EXOC2: variants seen among roughly 807,000 people sequenced by gnomAD.
EXOC2 encodes SEC5-like 1.
A neutral mutation model predicts 131.8 loss-of-function variants in EXOC2; 70 were observed. The observed-to-expected ratio is 0.53, with a 90% confidence interval of 0.44 to 0.65. EXOC2 has a LOEUF of 0.65. EXOC2 is among the 30% of genes least tolerant of loss of function. The pLI, the probability that EXOC2 is intolerant of heterozygous loss-of-function variation, is 0.00. For synonymous variants in EXOC2, 411 were observed against 398.4 expected, an observed-to-expected ratio of 1.03 and a Z score of -0.38; for missense variants, 923 against 1,108.6, an observed-to-expected ratio of 0.83 and a Z score of 2.38.
At chr6:624,635 TCAAA>T (rs1761459573) in intron 4 of EXOC2, among the ~76,000 whole-genome samples, 1 of 152,148 alleles carries the variant, frequency 6.6e-6, no homozygotes. Context: ...ACTTCTACTG[TCAAA>T]CAGAGAACCA....
intron 13 of EXOC2, among the ~76,000 whole-genome samples, chr6:570,650 T>C (rs1213422175): frequency 6.6e-6 from 1 of 152,204 alleles, no homozygotes. Context: ...CTGTCAGACA[T>C]TATTATCAGC....
At chr6:666,150 T>C (rs1039665974) in intron 1 of EXOC2, among the ~76,000 whole-genome samples, 9 of 151,982 alleles carry the variant, frequency 5.9e-5, no homozygotes, top group African/African-American at 2.2e-4. Flanking sequence ...AGTGTGCCAA[T>C]CCGTTAGGTG....
intron 12 of EXOC2, among the ~76,000 whole-genome samples, chr6:575,779 T>C (rs1158114020): frequency 6.6e-6 from 1 of 152,226 alleles, no homozygotes; most frequent in African/African-American, 2.4e-5. Flanking sequence ...GAATAATGTT[T>C]CAAAAGATCT....
intron 1 of EXOC2, chr6:689,162 C>G (rs1359495446): frequency 6.6e-6 from 1 of 152,238 alleles, no homozygotes; most frequent in East Asian, 1.9e-4. Context: ...GAAATCCAGT[C>G]TTCCCCAGTC....
intron 4 of EXOC2, among the ~76,000 whole-genome samples, chr6:623,415 TA>T (rs1761395622): frequency 6.6e-6 from 1 of 152,232 alleles, no homozygotes; most frequent in Non-Finnish European, 1.5e-5. Flanking sequence ...CTGAAGACAT[TA>T]AAACTCTTTC....
chr6:491,308 T>C (rs774445091), intron 25 of EXOC2, 122 bp from the exon 26 acceptor site: 3 of 894,408 alleles, frequency 3.4e-6, no homozygotes, highest in Non-Finnish European at 5.4e-6. Flanking sequence ...AATACCACCA[T>C]GGTGACCGCC....
intron 21 of EXOC2, among the ~76,000 whole-genome samples, chr6:552,273 G>GT (rs1485107930): frequency 6.6e-6 from 1 of 152,196 alleles, no homozygotes; most frequent in African/African-American, 2.4e-5. Context: ...GCTTTTCCTT[G>GT]TGAGGACCAA....
intron 22 of EXOC2, among the ~76,000 whole-genome samples, chr6:544,918 C>T (rs1414760943): frequency 2.6e-5 from 4 of 151,786 alleles, no homozygotes; most frequent in East Asian, 1.9e-4. Context: ...GAGGCCGAGG[C>T]GGGTGGATCA....
chr6:493,537 A>G (rs767225996), intron 25 of EXOC2, among the ~76,000 whole-genome samples: 2 of 152,230 alleles, frequency 1.3e-5, no homozygotes, highest in Non-Finnish European at 2.9e-5. Context: ...GTGGTTAGCT[A>G]TATAATACCT....
chr6:590,793 A>G (rs1759498769), intron 11 of EXOC2, among the ~76,000 whole-genome samples: 1 of 151,952 alleles, frequency 6.6e-6, no homozygotes, highest in Non-Finnish European at 1.5e-5. Context: ...CTCTTTCCTG[A>G]GTTTGCTTCT....
At chr6:568,739 A>T in intron 13 of EXOC2, among the ~76,000 whole-genome samples, 2 of 152,312 alleles carry the variant, frequency 1.3e-5, no homozygotes, top group Middle Eastern at 3.4e-3. Flanking sequence ...ACATAGTAAG[A>T]CTGTGCAATG....
chr6:489,174 AAAAC>A (rs1763274949), intron 26 of EXOC2, 136 bp from the exon 27 acceptor site: 1 of 817,732 alleles, frequency 1.2e-6, no homozygotes, highest in Non-Finnish European at 1.9e-6. Flanking sequence ...GTAAAAGTGA[AAAAC>A]AATAGAAAAA....
chr6:514,194 A>T (rs1482671007), intron 23 of EXOC2, among the ~76,000 whole-genome samples: 1 of 152,164 alleles, frequency 6.6e-6, no homozygotes, highest in East Asian at 1.9e-4. Context: ...GTGGTCTCTT[A>T]GGAAATGTTC....
At position 551,079 on chromosome 6, in the gene EXOC2, T is replaced by C. The variant is rs142152731; in HGVS notation, c.2122-1788A>G. ...AAGAAAAACTGAACAGCACAGACTCTGGACCGTGGATGACTAGTCAAAAGC... is the reference window on the plus strand; with the variant it reads ...AAGAAAAACTGAACAGCACAGACTCCGGACCGTGGATGACTAGTCAAAAGC... On this transcript the variant is annotated intron_variant, in intron 21 of 27. Transcript: ENST00000230449. Among the ~76,000 whole-genome samples, 1,356 of 152,364 alleles carry C rather than the reference T, an allele frequency of 8.9e-3. 22 individuals are homozygous for C. The highest frequency in any genetic ancestry group is 0.031 in the African/African-American group (1,273 of 41,590).
At chr6:626,796 T>C (rs557580332) in intron 4 of EXOC2, among the ~76,000 whole-genome samples, 1 of 152,208 alleles carries the variant, frequency 6.6e-6, no homozygotes, top group African/African-American at 2.4e-5. Flanking sequence ...TTTCACCACG[T>C]TGGCCAGGCT....
At position 562,967 on chromosome 6, in the gene EXOC2, A is replaced by G. The variant is rs1037824427; in HGVS notation, c.1790-122T>C. ...TATATAGGTTTGTAAAAACTCGATG[A>G]AAGTAGGCAAAGAATATAATTTTGG... On this transcript the variant is annotated intron_variant, in intron 16 of 27. Coordinates refer to ENST00000230449, the MANE Select transcript of EXOC2 (RefSeq NM_018303.6). 3 of 564,990 alleles carry G rather than the reference A, an allele frequency of 5.3e-6. No homozygotes were observed. The African/African-American group carries it at 5.8e-5, about 11-fold the overall frequency. The allele number at this position is 564,990 out of a possible 1,614,324, so 35.0% of individuals were successfully genotyped here. A position where few individuals can be genotyped will look rare whatever the true frequency, so the allele number is the denominator to read the frequency against.
intron 22 of EXOC2, among the ~76,000 whole-genome samples, chr6:547,706 C>A (rs1488556140): frequency 6.6e-6 from 1 of 152,048 alleles, no homozygotes; most frequent in African/African-American, 2.4e-5. Flanking sequence ...CTAAACACAA[C>A]TGAATTTCAA....
At chr6:644,077 G>A (rs1396761627) in intron 1 of EXOC2, among the ~76,000 whole-genome samples, 2 of 152,022 alleles carry the variant, frequency 1.3e-5, no homozygotes, top group African/African-American at 4.8e-5. Context: ...TTCACAGATG[G>A]ATTCCATAAA....
chr6:593,464 T>A (rs1759653873), intron 10 of EXOC2, among the ~76,000 whole-genome samples: 1 of 152,204 alleles, frequency 6.6e-6, no homozygotes, highest in Non-Finnish European at 1.5e-5. Context: ...TATAGTATAG[T>A]TCGGTGTTTT....
Sources: gnomAD v4.1 joint callset for allele counts (sites outside exome capture counted in the v4.1 genomes callset) on GRCh38, gnomAD v4.1.1 for gene constraint, MANE v1.5 for transcripts, NCBI Gene and HGNC (gene_info 2026-07-23, HGNC 2026-07-21) for gene names.